The following PCNX2 variants were observed in gnomAD, a reference collection of about 807,000 sequenced individuals.
PCNX2 encodes the protein pecanex-like protein 2.
In PCNX2, 168 loss-of-function variants were observed where a neutral mutation model predicts 223.8. The observed-to-expected ratio is 0.75, with a 90% CI of 0.66 to 0.85. The LOEUF is 0.85. PCNX2 is among the 40% of genes least tolerant of loss of function. The pLI, the probability that PCNX2 is intolerant of heterozygous loss-of-function variation, is 0.00. For synonymous variants in PCNX2, 1,006 were observed against 1,052.6 expected (o/e 0.96, Z 0.86); for missense variants, 2,507 against 2,675.5 (o/e 0.94, Z 1.39).
intron 15 of PCNX2, among the ~76,000 whole-genome samples, chr1:233,195,242 GA>G (rs947333436): frequency 6.6e-6 from 1 of 151,966 alleles, no homozygotes; most frequent in African/African-American, 2.4e-5. Flanking sequence ...AATAGATGCA[GA>G]AAAAAAGTGA....
chr1:233,200,967 A>C (rs1681058225), intron 13 of PCNX2, among the ~76,000 whole-genome samples: 1 of 144,906 alleles, frequency 6.9e-6, no homozygotes, highest in Admixed American at 7.2e-5. Context: ...CGGAGCTTGC[A>C]GTGAGCCGAG....
At position 233,161,356 on chromosome 1, in the gene PCNX2, ACATC is replaced by A. The variant is rs1439639822; in HGVS notation, c.3277_3280del (p.Asp1093SerfsTer2). ...GCAGACGATGAGATCCCATTTTAAGACATCCGTCTGGAAAGAGAAAACCAGCGGT... is the reference window on the plus strand; with the variant it reads ...GCAGACGATGAGATCCCATTTTAAGACGTCTGGAAAGAGAAAACCAGCGGT... On this transcript the variant is annotated frameshift_variant, in exon 18 of 34. Transcript: ENST00000258229. LOFTEE classifies it high-confidence loss of function. 7 of 1,613,602 alleles carry A rather than the reference ACATC, an allele frequency of 4.3e-6. No homozygotes were observed. The highest frequency in any genetic ancestry group is 2.2e-5 in the East Asian group (1 of 44,874).
At chr1:233,087,022 A>T in intron 23 of PCNX2, 1 of 985,300 alleles carries the variant, frequency 1.0e-6, no homozygotes, top group Non-Finnish European at 1.2e-6. Flanking sequence ...CACATTTGTC[A>T]TATGCCCTAG....
chr1:233,022,807 C>A (rs1670944020), intron 26 of PCNX2, among the ~76,000 whole-genome samples: 1 of 150,840 alleles, frequency 6.6e-6, no homozygotes, highest in Admixed American at 6.7e-5. Context: ...AAGTGATTCT[C>A]CTGCCTCAGC....
intron 23 of PCNX2, chr1:233,057,789 G>A (rs1572054691): frequency 1.3e-6 from 1 of 753,410 alleles, no homozygotes; most frequent in Non-Finnish European, 1.6e-6. Context: ...GAATCCAGGA[G>A]GCCGAGGTCG....
intron 10 of PCNX2, among the ~76,000 whole-genome samples, chr1:233,226,045 C>A (rs966097680): frequency 6.6e-6 from 1 of 152,158 alleles, no homozygotes; most frequent in Non-Finnish European, 1.5e-5. Flanking sequence ...GACAACAAGA[C>A]AGGCAACCAG....
Position 233,166,784 on chromosome 1 carries a change from T to A in PCNX2, c.3274-5421A>T, listed in dbSNP as rs192117491. Among the ~76,000 whole-genome samples the A allele has an allele frequency of 4.1e-4, 62 of 151,374 alleles. No individual in the cohort carries two copies. In the East Asian group the frequency reaches 9.5e-3, roughly 23 times the overall value. On this transcript the variant is annotated intron_variant, in intron 17 of 33. Transcript: ENST00000258229. ...AATTTTATCCTGGAAAATAATATAT[T>A]TTTTTTTGGTGGGAATGTAGATAGG... is the stretch of plus-strand genomic sequence containing the variant.
At chr1:233,160,800 A>G (rs1446044866) in intron 18 of PCNX2, among the ~76,000 whole-genome samples, 1 of 152,164 alleles carries the variant, frequency 6.6e-6, no homozygotes, top group African/African-American at 2.4e-5. Flanking sequence ...AGAGAAAGCA[A>G]CTGTCTGGAA....
At chr1:233,291,440 C>A (rs944079635) in intron 1 of PCNX2, among the ~76,000 whole-genome samples, 1 of 151,852 alleles carries the variant, frequency 6.6e-6, no homozygotes, top group South Asian at 2.1e-4. Flanking sequence ...AGAAACCCCA[C>A]CTCTACTAAA....
At chr1:233,105,009 G>A (rs1674684312) in intron 21 of PCNX2, among the ~76,000 whole-genome samples, 2 of 152,234 alleles carry the variant, frequency 1.3e-5, no homozygotes, top group East Asian at 3.9e-4. Context: ...CCCAGGTAAA[G>A]CAATCTGTAG....
intron 21 of PCNX2, among the ~76,000 whole-genome samples, chr1:233,117,042 A>G (rs1010047190): frequency 2.2e-4 from 34 of 152,270 alleles, no homozygotes; most frequent in Admixed American, 5.9e-4. Flanking sequence ...AAATTTGTCA[A>G]TTTAGAAGAA....
chr1:233,263,018 T>C lies in PCNX2; in HGVS notation c.299A>G (p.Glu100Gly). The C allele has an allele frequency of 6.2e-7, 1 of 1,613,840 alleles. No individual in the cohort carries two copies. The highest frequency in any genetic ancestry group is 8.5e-7 in the Non-Finnish European group (1 of 1,179,824). ...GGCCTCCTTGTCTTTATTTGGCTTT[T>C]CTTCCTTTCTGGAGGGCTTTTGCTG... Reference protein sequence around the residue: ...VIQQKPSRKEEKPNKDKEAKG... With the variant: ...VIQQKPSRKEGKPNKDKEAKG... The change falls in exon 2 of 34, where the codon GAA (glutamate) becomes GGA (glycine). Residue 100 changes from glutamate to glycine, a missense_variant. By Grantham distance (98) the Glu-to-Gly change is moderately conservative. Coordinates refer to ENST00000258229, the MANE Select transcript of PCNX2 (RefSeq NM_014801.4).
At chr1:233,299,148 G>A (rs528221327), upstream of PCNX2, among the ~76,000 whole-genome samples, 9 of 152,162 alleles carry the variant, frequency 5.9e-5, no homozygotes, top group South Asian at 1.9e-3. Context: ...TTTGATCTCA[G>A]CCGATGAAAC....
intron 23 of PCNX2, among the ~76,000 whole-genome samples, chr1:233,087,503 A>G (rs753313705): frequency 2.0e-5 from 3 of 152,222 alleles, no homozygotes; most frequent in Admixed American, 2.0e-4. Flanking sequence ...ACGGCCACAT[A>G]GAAACTCTGC....
chr1:233,042,481 T>C (rs1671675715), intron 25 of PCNX2, among the ~76,000 whole-genome samples: 1 of 152,260 alleles, frequency 6.6e-6, no homozygotes, highest in Non-Finnish European at 1.5e-5. Flanking sequence ...GCTCAACTTC[T>C]GTGACACCAG....
chr1:233,177,551 T>C (rs1481340459), intron 17 of PCNX2, among the ~76,000 whole-genome samples: 1 of 152,218 alleles, frequency 6.6e-6, no homozygotes, highest in Non-Finnish European at 1.5e-5. Context: ...GCAGAAAGTA[T>C]AAAAATGGCC....
At chr1:233,246,632 T>C (rs1659138868) in intron 8 of PCNX2, among the ~76,000 whole-genome samples, 1 of 152,202 alleles carries the variant, frequency 6.6e-6, no homozygotes, top group Non-Finnish European at 1.5e-5. Context: ...AGTGCCTCGT[T>C]CAGGGCCACG....
chr1:233,302,841 TA>T, the PCNX2 span, among the ~76,000 whole-genome samples: 1 of 152,174 alleles, frequency 6.6e-6, no homozygotes, highest in Non-Finnish European at 1.5e-5. Flanking sequence ...CACTTCCTAA[TA>T]ATCTATATCC....
intron 1 of PCNX2, chr1:233,290,864 A>C: frequency 1.0e-6 from 1 of 985,446 alleles, no homozygotes; most frequent in South Asian, 4.7e-5. Context: ...TCTGTCCACA[A>C]GCGGGGAAAG....
Sources: gnomAD v4.1 joint callset for allele counts (sites outside exome capture counted in the v4.1 genomes callset) on GRCh38, gnomAD v4.1.1 for gene constraint, MANE v1.5 for transcripts, NCBI Gene and HGNC (gene_info 2026-07-23, HGNC 2026-07-21) for gene names.